Variants in C1GALT1 observed in about 807,000 individuals in gnomAD.
The protein encoded by C1GALT1 is glycoprotein-N-acetylgalactosamine 3-beta-galactosyltransferase 1.
C1GALT1 carries 11 observed loss-of-function variants against 31.0 expected under a neutral mutation model. The observed-to-expected ratio is 0.36, with a 90% confidence interval of 0.22 to 0.59. The LOEUF (loss-of-function observed/expected upper bound fraction) is 0.59, where lower values mean the gene tolerates loss of function less well. Among genes scored for constraint, C1GALT1 ranks in the 20% least tolerant of loss-of-function variants. The probability of loss-of-function intolerance (pLI) is 0.79; values close to 1 mark genes in which losing one functional copy is unlikely to be tolerated. For missense variants in C1GALT1, 424 were observed against 425.2 expected (o/e 1.00, Z 0.03); for synonymous variants, 175 against 143.6 (o/e 1.22, Z -1.56).
In C1GALT1 at chr7:7,238,795, C is replaced by T. The variant is rs1274299661; in HGVS notation, c.761C>T (p.Ala254Val). The change falls in exon 3 of 4, where the codon GCA becomes GTA. Residue 254 changes from alanine to valine, a missense_variant. Coordinates refer to ENST00000436587, the MANE Select transcript of C1GALT1 (RefSeq NM_020156.5). This position sits in a 1 kb window ranked among gnomAD's most constrained non-coding sequence, Gnocchi z 5.2. ...GRCMEIMNVEAGDSRDTIGKE... is the reference protein window; with the variant it reads ...GRCMEIMNVEVGDSRDTIGKE... ...TGCATGGAAATTATGAATGTAGAAG[C>T]AGGAGATTCCAGAGATACCATTGGA... 1.2e-6 allele frequency: 2 copies of T among 1,613,736 alleles called. No individual in the cohort carries two copies. The highest frequency in any genetic ancestry group is 2.2e-5 in the South Asian group (2 of 91,060).
intron 2 of C1GALT1, among the ~76,000 whole-genome samples, chr7:7,235,615 C>G (rs1343301327): frequency 1.3e-5 from 2 of 152,146 alleles, no homozygotes; most frequent in African/African-American, 2.4e-5. Flanking sequence ...TCACTGCAGG[C>G]ATGTGTATTA....
intron 2 of C1GALT1, among the ~76,000 whole-genome samples, chr7:7,166,723 T>C (rs1260410715): frequency 6.6e-6 from 1 of 152,206 alleles, no homozygotes; most frequent in Non-Finnish European, 1.5e-5. Flanking sequence ...TAAGACTACA[T>C]TTTTTAAAAA....
chr7:7,239,561 G>C (rs1783528844), intron 3 of C1GALT1, among the ~76,000 whole-genome samples: 1 of 152,144 alleles, frequency 6.6e-6, no homozygotes, highest in African/African-American at 2.4e-5. Context: ...TTCCTCATTT[G>C]TAAGATGGAC....
At chr7:7,212,055 T>C (rs1486986745) in intron 1 of C1GALT1, among the ~76,000 whole-genome samples, 1 of 152,230 alleles carries the variant, frequency 6.6e-6, no homozygotes, top group Non-Finnish European at 1.5e-5. Context: ...GAATGGTTAT[T>C]TCTACATAGG....
In C1GALT1 at chr7:7,220,398, C is replaced by G. The variant is rs548632526; in HGVS notation, c.-17-13905C>G. 3.3e-5 allele frequency among the ~76,000 whole-genome samples: 5 copies of G among 152,346 alleles called. No homozygotes were observed. The East Asian group carries it at 9.6e-4, about 29-fold the overall frequency. On this transcript the variant is annotated intron_variant, in intron 1 of 3. Coordinates refer to ENST00000436587, the MANE Select transcript of C1GALT1 (RefSeq NM_020156.5). ...GACCAATTCTGAAACTTCTCCCAGT[C>G]CCCAGACCTGTATCTCCAACAGCTT...
intron 1 of C1GALT1, among the ~76,000 whole-genome samples, chr7:7,218,979 G>C (rs1421057715): frequency 6.6e-6 from 1 of 151,698 alleles, no homozygotes; most frequent in Admixed American, 6.6e-5. Context: ...GACTACAGGC[G>C]CCCGCCACCA....
At chr7:7,171,634 G>A (rs941122933) in intron 2 of C1GALT1, among the ~76,000 whole-genome samples, 4 of 151,818 alleles carry the variant, frequency 2.6e-5, no homozygotes, top group Non-Finnish European at 4.4e-5. Flanking sequence ...CTTGTTTTCT[G>A]TATGTCATAC....
chr7:7,226,785 C>T (rs1782780291), intron 1 of C1GALT1, among the ~76,000 whole-genome samples: 1 of 152,070 alleles, frequency 6.6e-6, no homozygotes, highest in Non-Finnish European at 1.5e-5. Context: ...TCTTGTTGAG[C>T]ATGGAATCTA....
chr7:7,206,763 TTTTG>T (rs1283494684), intron 1 of C1GALT1, among the ~76,000 whole-genome samples: 3 of 151,960 alleles, frequency 2.0e-5, no homozygotes, highest in Non-Finnish European at 4.4e-5. Context: ...GCATTTTTTT[TTTTG>T]TTTTATTATC....
chr7:7,177,463 A>C (rs1780516727), intron 2 of C1GALT1, among the ~76,000 whole-genome samples: 2 of 152,178 alleles, frequency 1.3e-5, no homozygotes, highest in Non-Finnish European at 2.9e-5. Flanking sequence ...TTTGTTATTA[A>C]GTTTGTTTAA....
intron 1 of C1GALT1, among the ~76,000 whole-genome samples, chr7:7,217,121 T>G (rs764808897): frequency 2.0e-5 from 3 of 152,226 alleles, no homozygotes; most frequent in Non-Finnish European, 4.4e-5. Context: ...ATGAACTTCC[T>G]TTACCGGCCA....
chr7:7,213,218 C>T (rs1462400396), intron 1 of C1GALT1, among the ~76,000 whole-genome samples: 1 of 152,124 alleles, frequency 6.6e-6, no homozygotes, highest in Non-Finnish European at 1.5e-5. Flanking sequence ...CTTAATATAG[C>T]TTGATTATAA....
chr7:7,189,542 T>C (rs1338726468), intron 1 of C1GALT1, among the ~76,000 whole-genome samples: 1 of 152,140 alleles, frequency 6.6e-6, no homozygotes, highest in African/African-American at 2.4e-5. Flanking sequence ...TTTTTTACTG[T>C]GAATCTTTTA....
intron 1 of C1GALT1, among the ~76,000 whole-genome samples, chr7:7,230,791 T>A (rs1256478743): frequency 6.6e-6 from 1 of 151,858 alleles, no homozygotes; most frequent in Non-Finnish European, 1.5e-5. Flanking sequence ...TTTAAACAAC[T>A]CCTGGACAGT....
intron 1 of C1GALT1, chr7:7,209,361 T>C (rs1781890489): frequency 6.6e-6 from 1 of 152,224 alleles, no homozygotes; most frequent in African/African-American, 2.4e-5. Flanking sequence ...ATGGCCATAG[T>C]ATCTGCAGTT....
intron 1 of C1GALT1, among the ~76,000 whole-genome samples, chr7:7,200,793 A>G (rs76982985): frequency 1.8e-3 from 276 of 152,294 alleles, no homozygotes; most frequent in African/African-American, 6.4e-3. Flanking sequence ...CAATTCGGCT[A>G]CTGAAGCTTG....
intron 1 of C1GALT1, among the ~76,000 whole-genome samples, chr7:7,223,939 T>A (rs1782630090): frequency 6.6e-6 from 1 of 152,128 alleles, no homozygotes; most frequent in Admixed American, 6.5e-5. Flanking sequence ...AGGAAATTCC[T>A]TCTGTTTTTG....
intron 1 of C1GALT1, among the ~76,000 whole-genome samples, chr7:7,218,673 T>C (rs558649551): frequency 6.2e-4 from 95 of 152,114 alleles, no homozygotes; most frequent in Non-Finnish European, 1.2e-3. Context: ...CTTCTGAGAG[T>C]TTACACTGAA....
chr7:7,189,552 ATTTTC>A (rs1182153924), intron 1 of C1GALT1, among the ~76,000 whole-genome samples: 2 of 151,580 alleles, frequency 1.3e-5, no homozygotes, highest in Non-Finnish European at 2.9e-5. Flanking sequence ...TGAATCTTTT[ATTTTC>A]TTTATCTGTT....
Sources: allele counts gnomAD v4.1 joint callset (sites outside exome capture counted in the v4.1 genomes callset), GRCh38; gene constraint gnomAD v4.1.1; non-coding constraint Gnocchi (gnomAD v3.1); transcripts MANE v1.5; gene names NCBI Gene and HGNC (gene_info 2026-07-23, HGNC 2026-07-21).